WASHC4: variants seen among roughly 807,000 people sequenced by gnomAD.
The protein encoded by WASHC4 is WASH complex subunit 4.
Under a neutral mutation model 166.6 loss-of-function variants are expected in WASHC4, and 86 were observed. The ratio of observed to expected loss-of-function variants is 0.52; its 90% CI spans 0.43 to 0.62. WASHC4 has a LOEUF of 0.62. Ranked by LOEUF, WASHC4 falls within the 20% of genes least tolerant of loss-of-function variation. The pLI, the probability that WASHC4 is intolerant of heterozygous loss-of-function variation, is 0.00. For missense variants in WASHC4, 1,262 were observed against 1,382.4 expected (o/e 0.91, Z 1.38); for synonymous variants, 446 against 451.6 (o/e 0.99, Z 0.16).
intron 15 of WASHC4, among the ~76,000 whole-genome samples, chr12:105,140,046 A>T (rs1882690379): frequency 6.6e-6 from 1 of 151,580 alleles, no homozygotes. Context: ...TAATTTTTGT[A>T]TTTTTTAGTA....
intron 7 of WASHC4, among the ~76,000 whole-genome samples, chr12:105,120,078 A>G (rs909268280): frequency 2.0e-5 from 3 of 152,222 alleles, no homozygotes; most frequent in Admixed American, 6.5e-5. Context: ...ACAAAAAGGA[A>G]AAACAAAACA....
rs749778152 is a variant in WASHC4 at position 105,146,465 on chromosome 12, T to TAGA, written c.2350_2352dup (p.Glu784dup). The TAGA allele has an allele frequency of 2.5e-6, 4 of 1,582,932 alleles. No homozygotes were observed. The South Asian group carries it at 4.4e-5, about 18-fold the overall frequency. ...ATTATGTTGTAGGGCCTTGATGTTT[T>TAGA]AGAAATTATGAGAAACATTCATATA... On this transcript the variant is annotated inframe_insertion, in exon 23 of 33. Coordinates refer to ENST00000332180, the MANE Select transcript of WASHC4 (RefSeq NM_015275.3).
Position 105,143,211 on chromosome 12 carries a change from TATGACA to T in WASHC4, c.1980_1985del (p.Tyr660_Lys662delinsTer). ...GTCCTATGAGATACTTCTGGATTGC[TATGACA>T]AGGAAATTATGGAAATTTTAAATGA... On this transcript the variant is annotated stop_gained and inframe_deletion, in exon 20 of 33. Transcript: ENST00000332180. LOFTEE classifies it high-confidence loss of function. The T allele has an allele frequency of 6.2e-7, 1 of 1,601,498 alleles. No individual in the cohort carries two copies. Among genetic ancestry groups the T allele is most frequent in the Non-Finnish European group, 8.6e-7 (1 of 1,168,850 alleles).
rs1880063708 is a variant in WASHC4 at position 105,115,191 on chromosome 12, C to T, written c.329C>T (p.Thr110Ile). Residue 110 changes from threonine (T) to isoleucine (I), a missense_variant, in exon 5 of 33, where the codon ACT (threonine) becomes ATT (isoleucine). Transcript: ENST00000332180. ...EIKKLKYEAE[T>I]KFYNGLLFYG... The stretch of plus-strand genomic sequence containing the variant: ...TTTTTTTCTTAAAAACAGGCTGAAA[C>T]TAAATTTTACAATGGTCTCTTGTTT... The T allele has an allele frequency of 3.2e-6, 5 of 1,543,636 alleles. No homozygotes were observed. Among genetic ancestry groups the T allele is most frequent in the Non-Finnish European group, 4.5e-6 (5 of 1,117,542 alleles).
At chr12:105,146,306 C>T (rs1592899327) in intron 22 of WASHC4, 146 bp from the exon 23 acceptor site, 7 of 575,826 alleles carry the variant, frequency 1.2e-5, no homozygotes, top group South Asian at 2.5e-5. Context: ...TGTCTTTTAA[C>T]GTTTGATCGT....
At chr12:105,111,319 C>T in intron 2 of WASHC4, 55 bp downstream of exon 2, 3 of 1,123,334 alleles carry the variant, frequency 2.7e-6, no homozygotes, top group Non-Finnish European at 3.8e-6. Flanking sequence ...ATACTATATC[C>T]TGAAAACATA....
Position 105,166,988 on chromosome 12 carries a change from C to A in WASHC4, c.*57C>A. On this transcript the variant is annotated 3_prime_UTR_variant, in exon 33 of 33. Coordinates refer to ENST00000332180, the MANE Select transcript of WASHC4 (RefSeq NM_015275.3). ...ATCATCAGAATTGTTAAAACTTTTG[C>A]CAGTGGAATGGATAAACTATTGATG... 1 of 1,157,984 alleles carries A rather than the reference C, an allele frequency of 8.6e-7. No individual in the cohort carries two copies. Among genetic ancestry groups the A allele is most frequent in the Non-Finnish European group, 1.3e-6 (1 of 774,120 alleles). The allele number at this position is 1,157,984 out of a possible 1,614,324, so 71.7% of individuals were successfully genotyped here.
chr12:105,162,235 A>C (rs1416733334), intron 29 of WASHC4, among the ~76,000 whole-genome samples: 1 of 152,262 alleles, frequency 6.6e-6, no homozygotes, highest in African/African-American at 2.4e-5. Flanking sequence ...CAAGAGACGT[A>C]CTGTTTTGAG....
Position 105,167,189 on chromosome 12 carries a change from G to A in WASHC4, c.*258G>A. 8 of 437,944 alleles carry A rather than the reference G, an allele frequency of 1.8e-5. No individual in the cohort carries two copies. Among genetic ancestry groups the A allele is most frequent in the Non-Finnish European group, 2.9e-5 (7 of 240,584 alleles). The allele number at this position is 437,944 out of a possible 1,614,324, so 27.1% of individuals were successfully genotyped here. A position where few individuals can be genotyped will look rare whatever the true frequency, so the allele number is the denominator to read the frequency against. On this transcript the variant is annotated 3_prime_UTR_variant, in exon 33 of 33. Transcript: ENST00000332180. ...ACAAGATGTTTCTATTTGAAGTGAAGTTATAAAAGGGCAAATCCAGATTCA... is the reference window on the plus strand; with the variant it reads ...ACAAGATGTTTCTATTTGAAGTGAAATTATAAAAGGGCAAATCCAGATTCA...
Position 105,120,580 on chromosome 12 carries a change from A to G in WASHC4, c.544A>G (p.Thr182Ala). 1.2e-6 allele frequency: 2 copies of G among 1,602,504 alleles called. No individual in the cohort carries two copies. Among genetic ancestry groups the G allele is most frequent in the Non-Finnish European group, 1.7e-6 (2 of 1,169,598 alleles). The change falls in exon 8 of 33, where the codon ACT (threonine) becomes GCT (alanine). Residue 182 changes from threonine to alanine, a missense_variant. Coordinates refer to ENST00000332180, the MANE Select transcript of WASHC4 (RefSeq NM_015275.3). ...GATTGCACCCAAAATTATAGAGACA[A>G]CTGGAGTTCATTTTCAGGTAAAAGA... Reference protein sequence around the residue: ...NKIAPKIIETTGVHFQTMYEH... With the variant: ...NKIAPKIIETAGVHFQTMYEH...
intron 4 of WASHC4, 104 bp from the exon 5 acceptor site, chr12:105,115,080 G>C: frequency 1.6e-6 from 1 of 634,292 alleles, no homozygotes; most frequent in Non-Finnish European, 2.9e-6. Flanking sequence ...GTATGCAAAT[G>C]ATGTAGCCCT....
chr12:105,163,956 T>A (rs551534657), intron 30 of WASHC4, among the ~76,000 whole-genome samples, 155 bp from the exon 31 acceptor site: 20 of 152,180 alleles, frequency 1.3e-4, no homozygotes, highest in Non-Finnish European at 2.5e-4. Flanking sequence ...AACCCATCAT[T>A]CATTTATGCT....
chr12:105,113,622 C>A (rs1032941974), intron 2 of WASHC4, among the ~76,000 whole-genome samples: 1 of 151,984 alleles, frequency 6.6e-6, no homozygotes, highest in African/African-American at 2.4e-5. Flanking sequence ...TAATAACTTA[C>A]TTGCATAAAT....
intron 13 of WASHC4, among the ~76,000 whole-genome samples, chr12:105,128,985 G>A (rs1022436531): frequency 1.2e-4 from 17 of 146,268 alleles, no homozygotes; most frequent in East Asian, 7.9e-4. Context: ...TCCCTGTGTC[G>A]CCCAGGCTGG....
intron 25 of WASHC4, among the ~76,000 whole-genome samples, chr12:105,151,278 T>G (rs765999449): frequency 6.6e-6 from 1 of 152,112 alleles, no homozygotes; most frequent in Admixed American, 6.6e-5. Flanking sequence ...CCATGTGGAT[T>G]GAGAACCAAC....
chr12:105,142,466 T>C lies in WASHC4; in HGVS notation c.1801T>C (p.Cys601Arg), dbSNP rs1473470543. ...SELRERVQTQ[C>R]DCCFLYWHRA... Reference sequence around the variant, plus strand: ...TTTACATTGTAGAGTCCAAACACAATGTGACTGTTGTTTTTTATACTGGCA... The same window carrying C: ...TTTACATTGTAGAGTCCAAACACAACGTGACTGTTGTTTTTTATACTGGCA... The change falls in exon 19 of 33, where the codon TGT becomes CGT. Residue 601 changes from cysteine (C) to arginine (R), a missense_variant. By Grantham distance (180) the Cys-to-Arg change is radical (BLOSUM62 -3). Coordinates refer to ENST00000332180, the MANE Select transcript of WASHC4 (RefSeq NM_015275.3). The C allele has an allele frequency of 6.2e-7, 1 of 1,603,496 alleles. No homozygotes were observed. Among genetic ancestry groups the C allele is most frequent in the Non-Finnish European group, 8.5e-7 (1 of 1,171,078 alleles).
chr12:105,139,425 G>GTGTGTGTATATA, intron 15 of WASHC4, among the ~76,000 whole-genome samples: 1 of 103,226 alleles, frequency 9.7e-6, no homozygotes, highest in African/African-American at 3.5e-5. Flanking sequence ...ATGTGTGTGT[G>GTGTGTGTATATA]TATATATATA....
chr12:105,148,438 C>T, intron 24 of WASHC4: 11 of 985,334 alleles, frequency 1.1e-5, no homozygotes, highest in Non-Finnish European at 1.3e-5. Context: ...CCTGCTTTCA[C>T]AGTAATCACA....
intron 15 of WASHC4, among the ~76,000 whole-genome samples, chr12:105,139,729 A>C (rs1882654845): frequency 6.6e-6 from 1 of 151,238 alleles, no homozygotes. Context: ...TCTTTCATTC[A>C]TTTTGGGTCT....
Sources: gnomAD v4.1 joint callset for allele counts (sites outside exome capture counted in the v4.1 genomes callset) on GRCh38, gnomAD v4.1.1 for gene constraint, MANE v1.5 for transcripts, NCBI Gene and HGNC (gene_info 2026-07-23, HGNC 2026-07-21) for gene names.